Variants in RAB27B observed in about 807,000 individuals in gnomAD.
RAB27B encodes ras-related protein Rab-27B.
Under a neutral mutation model 24.6 loss-of-function variants are expected in RAB27B, and 15 were observed. The observed-to-expected ratio is 0.61, with a 90% CI of 0.41 to 0.94. RAB27B has a LOEUF of 0.94. Ranked by LOEUF, RAB27B falls within the 40% of genes least tolerant of loss-of-function variation. RAB27B has a pLI of 0.00. For missense variants in RAB27B, 261 were observed against 266.8 expected, an observed-to-expected ratio of 0.98 and a Z score of 0.15; for synonymous variants, 105 against 92.5, an observed-to-expected ratio of 1.14 and a Z score of -0.78.
At chr18:54,875,886 TTGTACA>T (rs533570923) in intron 1 of RAB27B, among the ~76,000 whole-genome samples, 438 of 152,316 alleles carry the variant, frequency 2.9e-3, no homozygotes, top group South Asian at 4.6e-3. Context: ...TTTTAATTTT[TTGTACA>T]TGTACATGTA....
chr18:54,808,947 G>A (rs977574881), intron 2 of RAB27B, among the ~76,000 whole-genome samples: 6 of 152,184 alleles, frequency 3.9e-5, no homozygotes, highest in African/African-American at 9.7e-5. Context: ...CTAAGATGAG[G>A]CCACAGTGAA....
chr18:54,863,847 T>C (rs979946956), intron 1 of RAB27B, among the ~76,000 whole-genome samples: 3 of 152,248 alleles, frequency 2.0e-5, no homozygotes, highest in Non-Finnish European at 2.9e-5. Flanking sequence ...TATAAGCACT[T>C]CATTCCTTTC....
intron 2 of RAB27B, among the ~76,000 whole-genome samples, chr18:54,760,995 CT>C (rs199850716): frequency 0.51 from 74,822 of 145,796 alleles, 19,586 homozygotes; most frequent in Middle Eastern, 0.67. Flanking sequence ...GAGAGGTATT[CT>C]TTTTTTTTTT....
intron 1 of RAB27B, among the ~76,000 whole-genome samples, chr18:54,849,871 AGTACT>A (rs1284553779): frequency 1.3e-5 from 2 of 152,198 alleles, no homozygotes; most frequent in African/African-American, 4.8e-5. Flanking sequence ...CTGTGAAAAT[AGTACT>A]GGTTCCATCA....
At chr18:54,728,222 G>A (rs1909603414) in intron 2 of RAB27B, among the ~76,000 whole-genome samples, 1 of 152,186 alleles carries the variant, frequency 6.6e-6, no homozygotes, top group Non-Finnish European at 1.5e-5. Context: ...TGGGGTAGGG[G>A]TGGGGAGGCT....
chr18:54,840,402 A>G (rs1598948180), intron 1 of RAB27B, among the ~76,000 whole-genome samples: 1 of 152,236 alleles, frequency 6.6e-6, no homozygotes, highest in South Asian at 2.1e-4. Flanking sequence ...CCCAGTAAAT[A>G]TATTTGCTTG....
chr18:54,814,828 G>A (rs1910072992), intron 2 of RAB27B, among the ~76,000 whole-genome samples: 1 of 152,088 alleles, frequency 6.6e-6, no homozygotes, highest in African/African-American at 2.4e-5. Flanking sequence ...AGTTTTTATT[G>A]TAGAATACTG....
intron 1 of RAB27B, among the ~76,000 whole-genome samples, chr18:54,847,453 G>A (rs1469536465): frequency 1.3e-5 from 2 of 152,162 alleles, no homozygotes; most frequent in Non-Finnish European, 2.9e-5. Flanking sequence ...CCAGAAAAAT[G>A]AGAATAGTCT....
chr18:54,871,070 G>A (rs1448747827), intron 1 of RAB27B, among the ~76,000 whole-genome samples: 1 of 152,074 alleles, frequency 6.6e-6, no homozygotes, highest in Non-Finnish European at 1.5e-5. Context: ...GTAATTTTTT[G>A]GTTGATGTTA....
intron 1 of RAB27B, among the ~76,000 whole-genome samples, chr18:54,840,095 G>C (rs1051924085): frequency 2.0e-5 from 3 of 152,086 alleles, no homozygotes; most frequent in Non-Finnish European, 4.4e-5. Context: ...AATTCTGTCT[G>C]GGCAAATAAT....
At chr18:54,790,856 A>T (rs1909226131) in intron 2 of RAB27B, among the ~76,000 whole-genome samples, 1 of 152,204 alleles carries the variant, frequency 6.6e-6, no homozygotes, top group South Asian at 2.1e-4. Context: ...TTCAAGCCTT[A>T]ATTTTGAACC....
chr18:54,818,837 AAAAT>A (rs1285314768), intron 2 of RAB27B, among the ~76,000 whole-genome samples: 4 of 152,332 alleles, frequency 2.6e-5, no homozygotes, highest in African/African-American at 9.6e-5. Flanking sequence ...CGTGTTTTTT[AAAAT>A]AAATTCTCAT....
chr18:54,784,621 A>G (rs1482271125), intron 2 of RAB27B, among the ~76,000 whole-genome samples: 1 of 152,168 alleles, frequency 6.6e-6, no homozygotes, highest in Non-Finnish European at 1.5e-5. Flanking sequence ...AGCTGCATCC[A>G]TGTTGCTGCA....
At chr18:54,756,459 T>G (rs1378863220) in intron 2 of RAB27B, among the ~76,000 whole-genome samples, 2 of 151,914 alleles carry the variant, frequency 1.3e-5, no homozygotes, top group East Asian at 3.9e-4. Flanking sequence ...TTCTACCATG[T>G]TTTTTTTCCT....
At chr18:54,837,539 C>T (rs1910943639) in intron 1 of RAB27B, among the ~76,000 whole-genome samples, 1 of 152,010 alleles carries the variant, frequency 6.6e-6, no homozygotes, top group South Asian at 2.1e-4. Flanking sequence ...AAATCTAGAC[C>T]TCTCAGGAGA....
At chr18:54,759,093 A>G (rs1908100708) in intron 2 of RAB27B, among the ~76,000 whole-genome samples, 1 of 152,210 alleles carries the variant, frequency 6.6e-6, no homozygotes, top group African/African-American at 2.4e-5. Flanking sequence ...TTTGGTCAAT[A>G]AGCACATGTT....
intron 2 of RAB27B, among the ~76,000 whole-genome samples, chr18:54,754,317 C>T (rs1907934977): frequency 1.4e-5 from 2 of 144,162 alleles, no homozygotes; most frequent in Admixed American, 1.4e-4. Flanking sequence ...TGAGGCCTCC[C>T]CAGCCATGGC....
chr18:54,752,610 GGTTT>G (rs1185586724), intron 2 of RAB27B, among the ~76,000 whole-genome samples: 4 of 152,158 alleles, frequency 2.6e-5, no homozygotes, highest in Non-Finnish European at 5.9e-5. Context: ...TTCTATTTGG[GGTTT>G]GTTTGTTATT....
chr18:54,761,612 G>T, intron 2 of RAB27B, among the ~76,000 whole-genome samples: 1 of 152,136 alleles, frequency 6.6e-6, no homozygotes, highest in East Asian at 1.9e-4. Context: ...TCACTGGGCT[G>T]CCACATAGCC....
Sources: allele counts gnomAD v4.1 joint callset (sites outside exome capture counted in the v4.1 genomes callset), GRCh38; gene constraint gnomAD v4.1.1; transcripts MANE v1.5; gene names NCBI Gene and HGNC (gene_info 2026-07-23, HGNC 2026-07-21).